Variants in GPR63 observed in about 807,000 individuals in gnomAD.
GPR63 encodes G protein-coupled receptor 63, also known as probable G protein-coupled receptor 63.
In GPR63, 12 loss-of-function variants were observed where a neutral mutation model predicts 23.1. The observed-to-expected ratio is 0.52, with a 90% CI of 0.33 to 0.84. The LOEUF is 0.84. Ranked by LOEUF, GPR63 falls within the 40% of genes least tolerant of loss-of-function variation. The pLI is 0.02. For synonymous variants in GPR63, 172 were observed against 191.1 expected, an observed-to-expected ratio of 0.90 and a Z score of 0.82; for missense variants, 472 against 515.6, an observed-to-expected ratio of 0.92 and a Z score of 0.82.
At chr6:96,809,364 A>G (rs1773981730) in intron 1 of GPR63, among the ~76,000 whole-genome samples, 2 of 152,198 alleles carry the variant, frequency 1.3e-5, no homozygotes, top group African/African-American at 2.4e-5. Flanking sequence ...ATCTTGCAAA[A>G]GAGATAGGAG....
At chr6:96,827,009 T>C (rs1016681848) in intron 1 of GPR63, among the ~76,000 whole-genome samples, 1 of 124,944 alleles carries the variant, frequency 8.0e-6, no homozygotes, top group Non-Finnish European at 1.7e-5. Flanking sequence ...AGGCCTGAAA[T>C]AATTACCACA....
chr6:96,829,284 G>A (rs908927862), intron 1 of GPR63, among the ~76,000 whole-genome samples: 1 of 152,152 alleles, frequency 6.6e-6, no homozygotes, highest in Non-Finnish European at 1.5e-5. Flanking sequence ...GTAAGATACA[G>A]ACCACATCCT....
At position 96,799,157 on chromosome 6, in the gene GPR63, G is replaced by T; in HGVS notation, c.575C>A (p.Pro192Gln). The change falls in exon 2 of 2, where the codon CCA (proline) becomes CAA (glutamine). Residue 192 changes from proline (P) to glutamine (Q), a missense_variant. Transcript: ENST00000229955. Reference protein sequence around the residue: ...IIVQRQDKLNPYRAKVLIAVS... With the variant: ...IIVQRQDKLNQYRAKVLIAVS... ...TGCAATCAGAACCTTAGCTCTATAT[G>T]GGTTTAGCTTATCCTGCCTCTGGAC... 6.2e-7 allele frequency: 1 copy of T among 1,614,124 alleles called. No homozygotes were observed.
At chr6:96,814,837 A>T (rs1233890711) in intron 1 of GPR63, among the ~76,000 whole-genome samples, 1 of 152,192 alleles carries the variant, frequency 6.6e-6, no homozygotes, top group Non-Finnish European at 1.5e-5. Context: ...CCAAAAAAAA[A>T]TGTAGGGCAG....
At chr6:96,817,342 T>A (rs1001598981) in intron 1 of GPR63, among the ~76,000 whole-genome samples, 1 of 151,934 alleles carries the variant, frequency 6.6e-6, no homozygotes, top group Non-Finnish European at 1.5e-5. Flanking sequence ...TGACTAAAGT[T>A]GAAAATATAT....
In GPR63 at chr6:96,795,316, C is replaced by A. The variant is rs749682650; in HGVS notation, c.*3156G>T. 4 of 152,122 alleles carry A rather than the reference C, an allele frequency of 2.6e-5. No individual in the cohort carries two copies. Among genetic ancestry groups the A allele is most frequent in the African/African-American group, 9.7e-5 (4 of 41,414 alleles). 9.4% of individuals were successfully genotyped at this position (152,122 alleles called of 1,614,324 possible). On this transcript the variant is annotated 3_prime_UTR_variant, in exon 2 of 2. Transcript: ENST00000229955. ...AAGGAAAAACAGGCAAACAAAAAACCATTTCTGATTATGCCTGTAAGCAGT... is the reference window on the plus strand; with the variant it reads ...AAGGAAAAACAGGCAAACAAAAAACAATTTCTGATTATGCCTGTAAGCAGT...
intron 1 of GPR63, among the ~76,000 whole-genome samples, chr6:96,821,518 C>T (rs1171893191): frequency 6.6e-6 from 1 of 152,196 alleles, no homozygotes; most frequent in African/African-American, 2.4e-5. Context: ...TGTCTTTTCA[C>T]TACTTTAAAC....
chr6:96,809,768 A>G (rs948053779), intron 1 of GPR63, among the ~76,000 whole-genome samples: 2 of 152,224 alleles, frequency 1.3e-5, no homozygotes, highest in Non-Finnish European at 2.9e-5. Flanking sequence ...TCTGGGTAAT[A>G]GTCTTGGCCC....
intron 1 of GPR63, among the ~76,000 whole-genome samples, chr6:96,818,834 GAAAAC>G (rs1440676325): frequency 2.0e-5 from 3 of 151,940 alleles, no homozygotes; most frequent in Non-Finnish European, 4.4e-5. Flanking sequence ...TTTACAAAAA[GAAAAC>G]AAATCAAAAA....
chr6:96,809,563 G>A (rs1421402193), intron 1 of GPR63, among the ~76,000 whole-genome samples: 1 of 152,032 alleles, frequency 6.6e-6, no homozygotes, highest in Non-Finnish European at 1.5e-5. Context: ...GGTTCACTAA[G>A]TATGTTCTCT....
chr6:96,808,995 G>A (rs1166392992), intron 1 of GPR63, among the ~76,000 whole-genome samples: 4 of 140,060 alleles, frequency 2.9e-5, no homozygotes, highest in Admixed American at 8.1e-5. Context: ...TCTTTATCTC[G>A]TCCTGCCATC....
intron 1 of GPR63, among the ~76,000 whole-genome samples, chr6:96,827,069 A>C (rs1774458666): frequency 6.6e-6 from 1 of 151,512 alleles, no homozygotes; most frequent in African/African-American, 2.4e-5. Context: ...AAACCACAAA[A>C]ACCTCAAAAT....
intron 1 of GPR63, among the ~76,000 whole-genome samples, chr6:96,831,170 T>C (rs1388202873): frequency 6.6e-6 from 1 of 152,174 alleles, no homozygotes; most frequent in Non-Finnish European, 1.5e-5. Flanking sequence ...TATTCCACAA[T>C]TATGTATCAA....
chr6:96,820,376 T>G (rs1368713453), intron 1 of GPR63, among the ~76,000 whole-genome samples: 2 of 152,130 alleles, frequency 1.3e-5, no homozygotes, highest in Non-Finnish European at 2.9e-5. Context: ...AGAAATGTAT[T>G]CTCATCGGTA....
rs750107923 is a variant in GPR63, at chr6:96,799,545, T to G, written c.187A>C (p.Ser63Arg). 2 of 1,614,188 alleles carry G rather than the reference T, an allele frequency of 1.2e-6. No homozygotes were observed. Among genetic ancestry groups the G allele is most frequent in the Admixed American group, 1.7e-5 (1 of 60,020 alleles). The change falls in exon 2 of 2, where the codon AGT becomes CGT. Residue 63 changes from serine to arginine, a missense_variant. Physicochemically the swap from Ser to Arg is moderately radical, Grantham distance 110. Coordinates refer to ENST00000229955, the MANE Select transcript of GPR63 (RefSeq NM_030784.4). ...PTGLSSLTVN[S>R]TAVPTTPAAF... ...GCTGGTGTTGTGGGCACAGCTGTAC[T>G]ATTCACGGTCAAGGAACTCAAACCA... is the stretch of plus-strand genomic sequence containing the variant.
intron 1 of GPR63, among the ~76,000 whole-genome samples, chr6:96,811,821 G>T (rs1774050468): frequency 6.8e-6 from 1 of 147,718 alleles, no homozygotes; most frequent in African/African-American, 2.5e-5. Context: ...TTTCACTTCA[G>T]AACTTTATTT....
At chr6:96,824,826 C>A (rs910429485) in intron 1 of GPR63, among the ~76,000 whole-genome samples, 17 of 152,030 alleles carry the variant, frequency 1.1e-4, no homozygotes, top group African/African-American at 4.1e-4. Context: ...AGACACCTGC[C>A]ACTAGTCTTC....
Position 96,798,337 on chromosome 6 carries a change from A to T in GPR63, c.*135T>A. On this transcript the variant is annotated 3_prime_UTR_variant, in exon 2 of 2. Transcript: ENST00000229955. ...TCTTGGTAACAGAACTATAATTACC[A>T]TTCTTTCTTTACACTGCTCACACAC... 2 of 810,646 alleles carry T rather than the reference A, an allele frequency of 2.5e-6. No homozygotes were observed. Among genetic ancestry groups the T allele is most frequent in the Non-Finnish European group, 3.8e-6 (2 of 526,522 alleles). 50.2% of individuals were successfully genotyped at this position (810,646 alleles called of 1,614,324 possible).
chr6:96,818,645 T>C (rs1300166785), intron 1 of GPR63, among the ~76,000 whole-genome samples: 1 of 152,196 alleles, frequency 6.6e-6, no homozygotes, highest in Non-Finnish European at 1.5e-5. Flanking sequence ...GAAGAAAAGC[T>C]GTATACATAA....
Sources: allele counts gnomAD v4.1 joint callset (sites outside exome capture counted in the v4.1 genomes callset), GRCh38; gene constraint gnomAD v4.1.1; transcripts MANE v1.5; gene names NCBI Gene and HGNC (gene_info 2026-07-23, HGNC 2026-07-21).